CDCA7L: variants seen among roughly 807,000 people sequenced by gnomAD.
The protein encoded by CDCA7L is cell division cycle-associated 7-like protein.
A neutral mutation model predicts 57.4 loss-of-function variants in CDCA7L; 44 were observed. The observed-to-expected ratio is 0.77, with a 90% CI of 0.60 to 0.98. CDCA7L has a LOEUF of 0.98. CDCA7L is among the 50% of genes least tolerant of loss of function. The pLI is 0.00. For missense variants in CDCA7L, 644 were observed against 580.6 expected (o/e 1.11, Z -1.12); for synonymous variants, 236 against 202.8 (o/e 1.16, Z -1.39).
chr7:21,936,082 CTAGATA>C (rs1786154128), intron 1 of CDCA7L, among the ~76,000 whole-genome samples: 1 of 152,008 alleles, frequency 6.6e-6, no homozygotes, highest in South Asian at 2.1e-4. Context: ...ATTGGATTAT[CTAGATA>C]TAATGGATAA....
intron 1 of CDCA7L, among the ~76,000 whole-genome samples, chr7:21,927,113 A>T (rs73281737): frequency 6.5e-4 from 99 of 152,322 alleles, no homozygotes; most frequent in African/African-American, 2.2e-3. Flanking sequence ...CAAAAGAACA[A>T]AGACATATAA....
intron 1 of CDCA7L, among the ~76,000 whole-genome samples, chr7:21,930,301 G>A (rs1309748668): frequency 6.6e-6 from 1 of 152,166 alleles, no homozygotes; most frequent in Non-Finnish European, 1.5e-5. Context: ...GAATCTCTGG[G>A]ACACAGCTAA....
chr7:21,918,265 T>C (rs935135784), intron 1 of CDCA7L, among the ~76,000 whole-genome samples: 2 of 152,222 alleles, frequency 1.3e-5, no homozygotes, highest in Admixed American at 6.5e-5. Context: ...GAGCACACAT[T>C]GATCCTCCCC....
Position 21,901,018 on chromosome 7 carries a change from G to C in CDCA7L, c.*1304C>G. 6.3e-7 allele frequency: 1 copy of C among 1,593,688 alleles called. No homozygotes were observed. The highest frequency in any genetic ancestry group is 8.5e-7 in the Non-Finnish European group (1 of 1,169,718). On this transcript the variant is annotated 3_prime_UTR_variant, in exon 10 of 10. Transcript: ENST00000406877. ...TGTTTTTGCCATAGGCGCCCGCTGG[G>C]ACACCCAAGCAGGAACCATTGTTGA...
At chr7:21,936,187 C>T (rs1429128885) in intron 1 of CDCA7L, among the ~76,000 whole-genome samples, 2 of 152,180 alleles carry the variant, frequency 1.3e-5, no homozygotes, top group East Asian at 3.9e-4. Flanking sequence ...AAGTAGTAAT[C>T]AAAACCCTCC....
chr7:21,929,041 A>G (rs553572795), intron 1 of CDCA7L, among the ~76,000 whole-genome samples: 1 of 152,298 alleles, frequency 6.6e-6, no homozygotes, highest in South Asian at 2.1e-4. Flanking sequence ...AAAAAAGGTT[A>G]AGGGCAGCCA....
Position 21,901,228 on chromosome 7 carries a change from G to C in CDCA7L, c.*1094C>G, listed in dbSNP as rs200188283. On this transcript the variant is annotated 3_prime_UTR_variant, in exon 10 of 10. Coordinates refer to ENST00000406877, the MANE Select transcript of CDCA7L (RefSeq NM_018719.5). ...GAAGACTGCAAAATGGGTTCTGGCT[G>C]GAGTGGCTCTGCTTCTAGAAGCGTA... The C allele has an allele frequency of 1.2e-6, 2 of 1,609,778 alleles. No individual in the cohort carries two copies. Among genetic ancestry groups the C allele is most frequent in the Non-Finnish European group, 1.7e-6 (2 of 1,178,008 alleles).
At chr7:21,914,204 G>T (rs930465484) in intron 2 of CDCA7L, among the ~76,000 whole-genome samples, 1 of 152,196 alleles carries the variant, frequency 6.6e-6, no homozygotes, top group Non-Finnish European at 1.5e-5. Flanking sequence ...CATTTCAACT[G>T]CACCCAGCAA....
chr7:21,904,479 G>GCAGAAAGT (rs1785067016), intron 7 of CDCA7L, among the ~76,000 whole-genome samples: 1 of 152,180 alleles, frequency 6.6e-6, no homozygotes, highest in Admixed American at 6.5e-5. Flanking sequence ...GGGCTGCACA[G>GCAGAAAGT]CAGGAAGTGA....
At chr7:21,927,459 T>A (rs1785863722) in intron 1 of CDCA7L, among the ~76,000 whole-genome samples, 1 of 152,112 alleles carries the variant, frequency 6.6e-6, no homozygotes, top group Admixed American at 6.5e-5. Flanking sequence ...TTGAAAATAC[T>A]GAGTCAGAGG....
Position 21,904,170 on chromosome 7 carries a change from G to A in CDCA7L, c.1137C>T (p.Phe379=). 6.2e-7 allele frequency: 1 copy of A among 1,613,616 alleles called. No homozygotes were observed. Among genetic ancestry groups the A allele is most frequent in the Non-Finnish European group, 8.5e-7 (1 of 1,179,802 alleles). The change falls in exon 8 of 10, where the codon TTC becomes TTT. Residue 379 remains phenylalanine (F), a synonymous_variant. Coordinates refer to ENST00000406877, the MANE Select transcript of CDCA7L (RefSeq NM_018719.5). ...NQGCCGVRGQ[F]CGPCLRNRYG... ...AGCGGTTCCGCAGGCATGGTCCACA[G>A]AACTGTCCTCGCACACCACAGCAAC...
intron 1 of CDCA7L, among the ~76,000 whole-genome samples, chr7:21,941,012 C>T (rs927572638): frequency 1.3e-5 from 2 of 152,264 alleles, no homozygotes; most frequent in Middle Eastern, 3.4e-3. Flanking sequence ...TGCTTTCTTT[C>T]AGCTAATATA....
At position 21,906,370 on chromosome 7, in the gene CDCA7L, C is replaced by T. The variant is rs34578779; in HGVS notation, c.840G>A (p.Lys280=). 4,396 of 1,613,886 alleles carry T rather than the reference C, an allele frequency of 2.7e-3. 12 individuals are homozygous for T. Among genetic ancestry groups the T allele is most frequent in the Non-Finnish European group, 3.4e-3 (4,008 of 1,179,832 alleles). ...NPTRSARPPE[K]FALENFTVSA... ...AGACAGTGAAGTTCTCTAGAGCAAA[C>T]TTCTCAGGAGGCCGCGCACTCCGGG... Residue 280 remains lysine, a synonymous_variant, in exon 6 of 10, where the codon AAG becomes AAA. Coordinates refer to ENST00000406877, the MANE Select transcript of CDCA7L (RefSeq NM_018719.5).
intron 1 of CDCA7L, among the ~76,000 whole-genome samples, chr7:21,935,998 A>G (rs901342367): frequency 4.0e-5 from 6 of 151,578 alleles, no homozygotes; most frequent in African/African-American, 1.5e-4. Context: ...ACAGAGCAAG[A>G]CTCCGTCTCA....
chr7:21,938,679 G>A (rs555174069), intron 1 of CDCA7L, among the ~76,000 whole-genome samples: 1 of 152,184 alleles, frequency 6.6e-6, no homozygotes, highest in Admixed American at 6.5e-5. Context: ...AAATAAAGAT[G>A]GTATGTACAC....
At position 21,916,905 on chromosome 7, in the gene CDCA7L, T is replaced by C; in HGVS notation, c.25-11A>G. ...CACTTCTTTAGGGATCTGTTTTGGA[T>C]TCAAAAGAGGCAGGATTAAACCAGG... is the stretch of plus-strand genomic sequence containing the variant. On this transcript the variant is annotated splice_polypyrimidine_tract_variant and intron_variant, in intron 1 of 9. Coordinates refer to ENST00000406877, the MANE Select transcript of CDCA7L (RefSeq NM_018719.5). 6.2e-7 allele frequency: 1 copy of C among 1,613,972 alleles called. No homozygotes were observed. Among genetic ancestry groups the C allele is most frequent in the Non-Finnish European group, 8.5e-7 (1 of 1,179,910 alleles).
chr7:21,933,494 T>C (rs1786077137), intron 1 of CDCA7L, among the ~76,000 whole-genome samples: 1 of 152,180 alleles, frequency 6.6e-6, no homozygotes. Flanking sequence ...GTTCATGTCC[T>C]TTGCAGGGAC....
chr7:21,909,235 C>T (rs1785237861), intron 3 of CDCA7L, among the ~76,000 whole-genome samples: 1 of 152,166 alleles, frequency 6.6e-6, no homozygotes, highest in East Asian at 1.9e-4. Flanking sequence ...ATATGGAAGG[C>T]AGTAACAGGG....
Position 21,902,188 on chromosome 7 carries a change from C to CA in CDCA7L, c.*133dup, listed in dbSNP as rs374516042. The stretch of plus-strand genomic sequence containing the variant: ...TTGTAAGCATATAAACAATCTTTAA[C>CA]AAAAAATAGTAATTTCTACAAAGAA... On this transcript the variant is annotated 3_prime_UTR_variant, in exon 10 of 10. Coordinates refer to ENST00000406877, the MANE Select transcript of CDCA7L (RefSeq NM_018719.5). The CA allele has an allele frequency of 2.7e-5, 24 of 887,820 alleles. No homozygotes were observed. The highest frequency in any genetic ancestry group is 5.0e-5 in the African/African-American group (3 of 59,790). 55.0% of individuals were successfully genotyped at this position (887,820 alleles called of 1,614,324 possible).
Sources: allele counts gnomAD v4.1 joint callset (sites outside exome capture counted in the v4.1 genomes callset), GRCh38; gene constraint gnomAD v4.1.1; transcripts MANE v1.5; gene names NCBI Gene and HGNC (gene_info 2026-07-23, HGNC 2026-07-21).